The following DLG2 variants were observed in gnomAD, a reference collection of about 807,000 sequenced individuals.
DLG2 encodes the protein disks large homolog 2.
DLG2 carries 45 observed loss-of-function variants against 132.5 expected under a neutral mutation model. The observed-to-expected ratio is 0.34, with a 90% CI of 0.27 to 0.44. DLG2 has a LOEUF of 0.44. Ranked by LOEUF, DLG2 falls within the 20% of genes least tolerant of loss-of-function variation. DLG2 has a pLI of 1.00. For missense variants in DLG2, 1,045 were observed against 1,196.9 expected (o/e 0.87, Z 1.87); for synonymous variants, 424 against 419.6 (o/e 1.01, Z -0.13).
At chr11:85,520,318 T>A (rs908790386) in intron 3 of DLG2, among the ~76,000 whole-genome samples, 2 of 152,056 alleles carry the variant, frequency 1.3e-5, no homozygotes, top group African/African-American at 4.8e-5. Flanking sequence ...ATGAGAACGA[T>A]AAAACATTGA....
chr11:83,865,955 G>A (rs1174860143), intron 16 of DLG2, among the ~76,000 whole-genome samples: 5 of 152,076 alleles, frequency 3.3e-5, no homozygotes, highest in African/African-American at 7.2e-5. Context: ...CATTGATAAT[G>A]ACCTTTTCTT....
intron 7 of DLG2, among the ~76,000 whole-genome samples, chr11:84,434,559 T>C (rs2098994805): frequency 6.6e-6 from 1 of 152,144 alleles, no homozygotes; most frequent in Non-Finnish European, 1.5e-5. Context: ...ATAATTTCTA[T>C]TTAATAGGGC....
At chr11:83,498,147 T>TA (rs1417125730) in intron 21 of DLG2, among the ~76,000 whole-genome samples, 1 of 152,140 alleles carries the variant, frequency 6.6e-6, no homozygotes, top group Non-Finnish European at 1.5e-5. Context: ...AATGAAGTGT[T>TA]ATGGGCATAG....
intron 17 of DLG2, among the ~76,000 whole-genome samples, chr11:83,803,412 C>T (rs891503070): frequency 2.0e-5 from 3 of 152,202 alleles, no homozygotes; most frequent in African/African-American, 7.2e-5. Flanking sequence ...GTGGCACAAT[C>T]AGGCATAGTG....
intron 6 of DLG2, among the ~76,000 whole-genome samples, chr11:84,820,385 C>A (rs1237733095): frequency 2.6e-5 from 4 of 151,834 alleles, no homozygotes; most frequent in African/African-American, 9.7e-5. Context: ...TCCACTTTAT[C>A]TTCTACATTG....
chr11:83,754,148 T>C (rs564322862), intron 18 of DLG2, among the ~76,000 whole-genome samples: 9 of 150,574 alleles, frequency 6.0e-5, no homozygotes, highest in African/African-American at 2.0e-4. Flanking sequence ...TAATGATCTT[T>C]AGTTCTCTAC....
At chr11:85,458,489 T>C (rs1359411981) in intron 3 of DLG2, among the ~76,000 whole-genome samples, 1 of 152,210 alleles carries the variant, frequency 6.6e-6, no homozygotes, top group East Asian at 1.9e-4. Context: ...AGTGAGGTCA[T>C]TTGGAGACAC....
intron 11 of DLG2, among the ~76,000 whole-genome samples, chr11:84,021,361 A>C (rs1022574630): frequency 2.6e-5 from 4 of 152,156 alleles, no homozygotes. Context: ...AAGAAAAAAA[A>C]AAATGATTTA....
chr11:83,933,389 T>G (rs565083694), intron 14 of DLG2, among the ~76,000 whole-genome samples: 1 of 152,346 alleles, frequency 6.6e-6, no homozygotes, highest in East Asian at 1.9e-4. Context: ...AATCTCTAAG[T>G]GAATTTATAA....
intron 5 of DLG2, among the ~76,000 whole-genome samples, chr11:85,147,499 C>T (rs989223773): frequency 2.0e-5 from 3 of 152,162 alleles, no homozygotes; most frequent in African/African-American, 7.2e-5. Flanking sequence ...TGTTCCACTA[C>T]TGAGTTGTAT....
At chr11:84,908,018 G>A (rs1024146916) in intron 6 of DLG2, among the ~76,000 whole-genome samples, 4 of 152,072 alleles carry the variant, frequency 2.6e-5, no homozygotes, top group Admixed American at 6.6e-5. Flanking sequence ...TAGGGAGGAA[G>A]AGCACAAACC....
chr11:83,644,240 T>C (rs2067456350), intron 18 of DLG2, among the ~76,000 whole-genome samples: 2 of 152,184 alleles, frequency 1.3e-5, no homozygotes, highest in Admixed American at 1.3e-4. Context: ...CTGACATATG[T>C]CTAACTGATG....
At chr11:84,609,117 T>C (rs1322852032) in intron 6 of DLG2, among the ~76,000 whole-genome samples, 1 of 152,140 alleles carries the variant, frequency 6.6e-6, no homozygotes, top group African/African-American at 2.4e-5. Context: ...GCACAAAGTG[T>C]CTCTGGGAGG....
At chr11:83,981,847 A>G (rs986146751) in intron 11 of DLG2, among the ~76,000 whole-genome samples, 2 of 152,228 alleles carry the variant, frequency 1.3e-5, no homozygotes, top group Non-Finnish European at 2.9e-5. Context: ...TCACTGTACT[A>G]TGGCTTATAC....
intron 10 of DLG2, among the ~76,000 whole-genome samples, chr11:84,077,045 C>T (rs2096839057): frequency 6.6e-6 from 1 of 152,176 alleles, no homozygotes; most frequent in Admixed American, 6.5e-5. Context: ...TCTCTATATT[C>T]TGCATCTTCA....
chr11:85,498,803 C>T (rs58749063), intron 3 of DLG2, among the ~76,000 whole-genome samples: 2 of 152,092 alleles, frequency 1.3e-5, no homozygotes, highest in Non-Finnish European at 1.5e-5. Context: ...CTCAAATCTG[C>T]ACAACTACAT....
chr11:83,708,189 A>G (rs557790887), intron 18 of DLG2, among the ~76,000 whole-genome samples: 1 of 152,318 alleles, frequency 6.6e-6, no homozygotes, highest in South Asian at 2.1e-4. Flanking sequence ...AAGTTCCTAA[A>G]CTAGATCTGA....
chr11:84,555,887 T>C (rs1372082419), intron 6 of DLG2, among the ~76,000 whole-genome samples: 3 of 152,176 alleles, frequency 2.0e-5, no homozygotes, highest in Non-Finnish European at 4.4e-5. Context: ...AGGGCAAAAG[T>C]TGGGGAGACC....
intron 21 of DLG2, among the ~76,000 whole-genome samples, chr11:83,522,115 C>T (rs1026569411): frequency 6.6e-6 from 1 of 152,174 alleles, no homozygotes; most frequent in Non-Finnish European, 1.5e-5. Context: ...ACCCTCTATT[C>T]GTTTACTTTT....
Sources: allele counts gnomAD v4.1 joint callset (sites outside exome capture counted in the v4.1 genomes callset), GRCh38; gene constraint gnomAD v4.1.1; transcripts MANE v1.5; gene names NCBI Gene and HGNC (gene_info 2026-07-23, HGNC 2026-07-21).